GNB1L: variants seen among roughly 807,000 people sequenced by gnomAD.
GNB1L encodes the protein G protein subunit beta 1 like.
GNB1L carries 20 observed loss-of-function variants against 29.1 expected under a neutral mutation model. The ratio of observed to expected loss-of-function variants is 0.69; its 90% CI spans 0.48 to 1.00. The LOEUF is 1.00. GNB1L is among the 50% of genes least tolerant of loss of function. The pLI, the probability that GNB1L is intolerant of heterozygous loss-of-function variation, is 0.00. For missense variants in GNB1L, 421 were observed against 464.9 expected (o/e 0.91, Z 0.87); for synonymous variants, 193 against 206.5 (o/e 0.93, Z 0.56).
chr22:19,816,106 G>A lies in GNB1L; in HGVS notation c.255-3659C>T, dbSNP rs1005476070. 2.0e-5 allele frequency among the ~76,000 whole-genome samples: 3 copies of A among 152,104 alleles called. No individual in the cohort carries two copies. The highest frequency in any genetic ancestry group is 1.3e-4 in the Admixed American group (2 of 15,280). ...CGTCGTGGCCTGTGTGGGGCCTCGCGGGGCCCCGGCTGCCTCTGCCCCCTG... is the reference window on the plus strand; with the variant it reads ...CGTCGTGGCCTGTGTGGGGCCTCGCAGGGCCCCGGCTGCCTCTGCCCCCTG... On this transcript the variant is annotated intron_variant, in intron 4 of 7. Coordinates refer to ENST00000329517, the MANE Select transcript of GNB1L (RefSeq NM_053004.3). The surrounding 1 kb of genome is among the most constrained non-coding windows in gnomAD (Gnocchi z 4.4).
intron 7 of GNB1L, among the ~76,000 whole-genome samples, chr22:19,800,110 T>C (rs912700557): frequency 2.0e-5 from 3 of 152,238 alleles, no homozygotes; most frequent in Non-Finnish European, 2.9e-5. Context: ...TGCTCTCACT[T>C]TCCAATTCAT....
chr22:19,853,039 G>A (rs1458581135), intron 2 of GNB1L, among the ~76,000 whole-genome samples: 1 of 152,142 alleles, frequency 6.6e-6, no homozygotes, highest in Non-Finnish European at 1.5e-5. Flanking sequence ...CCCAGCACCA[G>A]GCACACAGCA....
chr22:19,825,797 A>T (rs372751408), intron 2 of GNB1L, among the ~76,000 whole-genome samples: 2 of 151,580 alleles, frequency 1.3e-5, no homozygotes, highest in African/African-American at 4.9e-5. Context: ...CTCTACAAAA[A>T]AAATAAATAA....
intron 2 of GNB1L, among the ~76,000 whole-genome samples, chr22:19,833,610 T>C (rs890373859): frequency 2.6e-5 from 4 of 152,126 alleles, no homozygotes; most frequent in African/African-American, 7.2e-5. Context: ...ACACCTGTAA[T>C]CCCAACACTT....
chr22:19,789,509 A>AG (rs1420501076), intron 7 of GNB1L, among the ~76,000 whole-genome samples: 8 of 141,242 alleles, frequency 5.7e-5, no homozygotes, highest in African/African-American at 2.1e-4. Flanking sequence ...TGGCAGGATG[A>AG]GGGGGGGACA....
intron 5 of GNB1L, among the ~76,000 whole-genome samples, chr22:19,811,343 TG>T (rs1937498096): frequency 6.6e-6 from 1 of 152,148 alleles, no homozygotes; most frequent in Admixed American, 6.5e-5. Flanking sequence ...GACTCGGCAG[TG>T]GGCATGGACA....
intron 2 of GNB1L, chr22:19,848,373 G>A (rs1238527928): frequency 9.1e-6 from 9 of 985,344 alleles, no homozygotes; most frequent in Non-Finnish European, 1.1e-5. Flanking sequence ...GGGGCCAGAA[G>A]AGAAAAACAA....
chr22:19,841,679 G>A (rs1007250300), intron 2 of GNB1L, among the ~76,000 whole-genome samples: 4 of 152,148 alleles, frequency 2.6e-5, no homozygotes, highest in Admixed American at 6.5e-5. Flanking sequence ...ACTTTTACAC[G>A]CTTTTCCCAT....
intron 2 of GNB1L, chr22:19,849,539 T>C (rs749580043): frequency 2.8e-6 from 1 of 360,996 alleles, no homozygotes; most frequent in Non-Finnish European, 3.9e-6. Context: ...TGGCTAATTT[T>C]GTATTTTTAG....
intron 7 of GNB1L, among the ~76,000 whole-genome samples, chr22:19,790,800 T>C (rs776663342): frequency 1.3e-5 from 2 of 152,224 alleles, no homozygotes; most frequent in African/African-American, 4.8e-5. Context: ...AAATCTATGC[T>C]AGGTACAAGG....
intron 7 of GNB1L, among the ~76,000 whole-genome samples, chr22:19,789,199 C>T (rs1321202195): frequency 1.3e-5 from 2 of 152,148 alleles, no homozygotes; most frequent in Admixed American, 6.5e-5. Context: ...CAGCTCTGAC[C>T]GACTCCTTCC....
At chr22:19,823,936 C>CA (rs1937599244) in intron 2 of GNB1L, among the ~76,000 whole-genome samples, 1 of 152,214 alleles carries the variant, frequency 6.6e-6, no homozygotes, top group African/African-American at 2.4e-5. Context: ...ACAGACAGCA[C>CA]GGCGGCCTTG....
At chr22:19,804,374 C>T (rs977063818) in intron 6 of GNB1L, among the ~76,000 whole-genome samples, 10 of 152,332 alleles carry the variant, frequency 6.6e-5, no homozygotes, top group Middle Eastern at 3.4e-3. Context: ...GCCCTCCATG[C>T]ACCATACCCC....
At chr22:19,847,132 G>A in intron 2 of GNB1L, 2 of 985,434 alleles carry the variant, frequency 2.0e-6, no homozygotes, top group Non-Finnish European at 2.4e-6. Flanking sequence ...ATTACTTGTG[G>A]CCTGCTGTGG....
intron 7 of GNB1L, among the ~76,000 whole-genome samples, chr22:19,795,992 G>A (rs1442738727): frequency 6.6e-6 from 1 of 151,360 alleles, no homozygotes; most frequent in African/African-American, 2.5e-5. Context: ...TGCAATCATC[G>A]ATGTGAGAAC....
intron 2 of GNB1L, among the ~76,000 whole-genome samples, chr22:19,822,828 T>C (rs147667128): frequency 0.013 from 2,018 of 152,298 alleles, 44 homozygotes; most frequent in African/African-American, 0.046. Flanking sequence ...TGGAGGCAGC[T>C]GTCCAGGGTG....
chr22:19,854,344 A>C (rs1289802201), intron 2 of GNB1L, 99 bp downstream of exon 2: 4 of 152,790 alleles, frequency 2.6e-5, no homozygotes, highest in African/African-American at 9.6e-5. Flanking sequence ...AAAGCCTTAA[A>C]GCAAGCTGAG....
At chr22:19,814,825 G>A (rs1005128785) in intron 4 of GNB1L, among the ~76,000 whole-genome samples, 1 of 152,124 alleles carries the variant, frequency 6.6e-6, no homozygotes, top group African/African-American at 2.4e-5. Flanking sequence ...TCGAGCCCAG[G>A]AGTTCAAGAC....
chr22:19,839,562 G>C (rs1937822223), intron 2 of GNB1L, among the ~76,000 whole-genome samples: 1 of 152,066 alleles, frequency 6.6e-6, no homozygotes, highest in Non-Finnish European at 1.5e-5. Context: ...GGGCAACACA[G>C]GGAGACCCTG....
Sources: gnomAD v4.1 joint callset for allele counts (sites outside exome capture counted in the v4.1 genomes callset) on GRCh38, gnomAD v4.1.1 for gene constraint, Gnocchi (gnomAD v3.1) non-coding constraint, MANE v1.5 for transcripts, NCBI Gene and HGNC (gene_info 2026-07-23, HGNC 2026-07-21) for gene names.